SKAP1: variants seen among roughly 807,000 people sequenced by gnomAD.
The protein encoded by SKAP1 is src kinase-associated phosphoprotein 1.
SKAP1 carries 44 observed loss-of-function variants against 58.5 expected under a neutral mutation model. That is an observed-to-expected ratio of 0.75 (90% CI 0.59 to 0.97). The LOEUF is 0.97. SKAP1 is among the 50% of genes least tolerant of loss of function. SKAP1 has a pLI of 0.00. For synonymous variants in SKAP1, 127 were observed against 149.7 expected (o/e 0.85, Z 1.11); for missense variants, 390 against 435.2 (o/e 0.90, Z 0.92).
intron 4 of SKAP1, among the ~76,000 whole-genome samples, chr17:48,304,618 G>C (rs894181296): frequency 6.6e-6 from 1 of 152,136 alleles, no homozygotes; most frequent in African/African-American, 2.4e-5. Context: ...CTTTTTAAAG[G>C]ATATAATGAA....
chr17:48,377,055 G>A (rs2067158643), intron 2 of SKAP1, among the ~76,000 whole-genome samples: 1 of 152,174 alleles, frequency 6.6e-6, no homozygotes, highest in Non-Finnish European at 1.5e-5. Context: ...GTTATGTTGA[G>A]TAAGGGACAG....
intron 2 of SKAP1, among the ~76,000 whole-genome samples, chr17:48,396,007 G>A (rs2067413886): frequency 6.6e-6 from 1 of 152,150 alleles, no homozygotes; most frequent in South Asian, 2.1e-4. Flanking sequence ...GGTTTGAAAA[G>A]GCTAAAGGAA....
At chr17:48,432,548 A>G (rs1418039894), upstream of SKAP1, among the ~76,000 whole-genome samples, 1 of 152,198 alleles carries the variant, frequency 6.6e-6, no homozygotes, top group Non-Finnish European at 1.5e-5. Flanking sequence ...CTTCACCTAT[A>G]AAATTGTAGC....
chr17:48,381,465 G>T (rs903929932), intron 2 of SKAP1, among the ~76,000 whole-genome samples: 1 of 152,176 alleles, frequency 6.6e-6, no homozygotes, highest in Non-Finnish European at 1.5e-5. Context: ...CCACGGCCAA[G>T]TCATGATGCC....
chr17:48,204,983 T>C (rs9906562), intron 4 of SKAP1, among the ~76,000 whole-genome samples: 3 of 46,448 alleles, frequency 6.5e-5, no homozygotes, highest in African/African-American at 3.4e-4. Context: ...TTTTCTTTCT[T>C]TCTTTCTTTC....
At chr17:48,233,817 T>C (rs2143792729) in intron 4 of SKAP1, among the ~76,000 whole-genome samples, 1 of 152,174 alleles carries the variant, frequency 6.6e-6, no homozygotes, top group Non-Finnish European at 1.5e-5. Flanking sequence ...GATTGTGCCA[T>C]TGTACTCCAG....
intron 11 of SKAP1, among the ~76,000 whole-genome samples, chr17:48,146,378 G>A (rs1376441144): frequency 2.0e-5 from 3 of 151,484 alleles, no homozygotes; most frequent in South Asian, 2.1e-4. Context: ...CTGTAATCCC[G>A]GCTACTCGGG....
chr17:48,282,113 T>C (rs933760238), intron 4 of SKAP1, among the ~76,000 whole-genome samples: 3 of 152,246 alleles, frequency 2.0e-5, no homozygotes, highest in Non-Finnish European at 4.4e-5. Context: ...AAAATTCTTA[T>C]GTTTACCCAA....
chr17:48,307,411 A>C (rs1405643816), intron 4 of SKAP1: 1 of 152,280 alleles, frequency 6.6e-6, no homozygotes, highest in Non-Finnish European at 1.5e-5. Flanking sequence ...TCAGCCTTCC[A>C]CACTTGGATC....
intron 4 of SKAP1, among the ~76,000 whole-genome samples, chr17:48,284,408 G>T (rs2065804881): frequency 6.6e-6 from 1 of 152,116 alleles, no homozygotes; most frequent in Non-Finnish European, 1.5e-5. Context: ...TTTAGCATAG[G>T]TAATTTACAA....
chr17:48,430,440 A>G (rs1207261071), upstream of SKAP1, among the ~76,000 whole-genome samples: 1 of 152,162 alleles, frequency 6.6e-6, no homozygotes, highest in Non-Finnish European at 1.5e-5. Context: ...CACCAAAACA[A>G]AAGACTTCAC....
At chr17:48,443,676 A>G in the SKAP1 span, among the ~76,000 whole-genome samples, 1 of 152,048 alleles carries the variant, frequency 6.6e-6, no homozygotes, top group African/African-American at 2.4e-5. Context: ...GGGTTTCTCC[A>G]TGTTGGCCAG....
intron 4 of SKAP1, among the ~76,000 whole-genome samples, chr17:48,317,971 A>G (rs964882612): frequency 6.6e-6 from 1 of 152,222 alleles, no homozygotes; most frequent in Non-Finnish European, 1.5e-5. Context: ...AAACAGAAGT[A>G]TCAATAAAAT....
intron 9 of SKAP1, among the ~76,000 whole-genome samples, chr17:48,179,364 C>T (rs781208305): frequency 1.3e-5 from 2 of 152,168 alleles, no homozygotes; most frequent in African/African-American, 2.4e-5. Context: ...GCACCATTCA[C>T]CAGCTGCTGT....
chr17:48,220,158 T>C (rs2064984688), intron 4 of SKAP1, among the ~76,000 whole-genome samples: 1 of 152,202 alleles, frequency 6.6e-6, no homozygotes, highest in East Asian at 1.9e-4. Context: ...TAAAGCGGAA[T>C]ACGCACATAC....
intron 4 of SKAP1, among the ~76,000 whole-genome samples, chr17:48,236,764 G>A (rs1209012583): frequency 1.3e-5 from 2 of 152,208 alleles, no homozygotes; most frequent in African/African-American, 4.8e-5. Flanking sequence ...AGGTGTGTAA[G>A]AGTGTGTTTT....
intron 4 of SKAP1, among the ~76,000 whole-genome samples, chr17:48,208,550 C>A (rs1443937343): frequency 2.0e-5 from 3 of 152,264 alleles, no homozygotes; most frequent in African/African-American, 4.8e-5. Context: ...CCCCCAGGAC[C>A]TCAATTTGTA....
At chr17:48,256,932 A>G (rs17694092) in intron 4 of SKAP1, among the ~76,000 whole-genome samples, 12,669 of 152,116 alleles carry the variant, frequency 0.083, 694 homozygotes, top group East Asian at 0.2. Flanking sequence ...TGCTCTTGTG[A>G]TTTTAGAAGG....
intron 3 of SKAP1, among the ~76,000 whole-genome samples, chr17:48,358,231 T>C (rs2066900353): frequency 6.6e-6 from 1 of 152,232 alleles, no homozygotes; most frequent in South Asian, 2.1e-4. Flanking sequence ...ATCCTACTTA[T>C]GACTGTGCTA....
Sources: allele counts gnomAD v4.1 joint callset (sites outside exome capture counted in the v4.1 genomes callset), GRCh38; gene constraint gnomAD v4.1.1; transcripts MANE v1.5; gene names NCBI Gene and HGNC (gene_info 2026-07-23, HGNC 2026-07-21).